Variants in RPGRIP1 observed in about 807,000 individuals in gnomAD.
The protein encoded by RPGRIP1 is X-linked retinitis pigmentosa GTPase regulator-interacting protein 1.
Under a neutral mutation model 157.9 loss-of-function variants are expected in RPGRIP1, and 128 were observed. That is an observed-to-expected ratio of 0.81 (90% confidence interval 0.70 to 0.94). The LOEUF (loss-of-function observed/expected upper bound fraction) is 0.94, where lower values mean the gene tolerates loss of function less well. Among genes scored for constraint, RPGRIP1 ranks in the 40% least tolerant of loss-of-function variants. The pLI is 0.00. For synonymous variants in RPGRIP1, 554 were observed against 571.6 expected (o/e 0.97, Z 0.44); for missense variants, 1,486 against 1,545.8 (o/e 0.96, Z 0.65).
chr14:21,336,234 AAC>A (rs773478820), intron 21 of RPGRIP1, among the ~76,000 whole-genome samples: 1 of 152,208 alleles, frequency 6.6e-6, no homozygotes, highest in African/African-American at 2.4e-5. Flanking sequence ...CACTGAATAT[AAC>A]ACATAGTTCA....
At chr14:21,326,482 T>C (rs1883123227) in intron 17 of RPGRIP1, among the ~76,000 whole-genome samples, 1 of 152,128 alleles carries the variant, frequency 6.6e-6, no homozygotes, top group South Asian at 2.1e-4. Flanking sequence ...AGTTTCGCTC[T>C]TGTTGCCCAG....
intron 3 of RPGRIP1, among the ~76,000 whole-genome samples, chr14:21,297,880 T>TCTTTCTTTCTTTCTTTCTTTCTTTCTTTC (rs1555365051): frequency 1.3e-5 from 2 of 149,742 alleles, no homozygotes; most frequent in African/African-American, 5.0e-5. Flanking sequence ...TTTCTTTCTT[T>TCTTTCTTTCTTTCTTTCTTTCTTTCTTTC]TTTTTGAGAT....
At chr14:21,338,046 A>G (rs1431150659) in intron 21 of RPGRIP1, among the ~76,000 whole-genome samples, 2 of 152,094 alleles carry the variant, frequency 1.3e-5, no homozygotes, top group Non-Finnish European at 2.9e-5. Context: ...CCTCCCGAGT[A>G]GCTGGGACTA....
chr14:21,327,050 A>G (rs1883189336), intron 17 of RPGRIP1, among the ~76,000 whole-genome samples: 2 of 152,110 alleles, frequency 1.3e-5, no homozygotes, highest in East Asian at 3.9e-4. Flanking sequence ...AGAAACAACC[A>G]TATTTAACAA....
intron 2 of RPGRIP1, among the ~76,000 whole-genome samples, chr14:21,289,825 C>T (rs141973601): frequency 5.9e-5 from 9 of 151,998 alleles, no homozygotes; most frequent in African/African-American, 2.2e-4. Context: ...AACTCTTGCC[C>T]ATATATACCA....
intron 20 of RPGRIP1, among the ~76,000 whole-genome samples, chr14:21,333,530 G>A (rs1263952387): frequency 1.3e-5 from 2 of 152,192 alleles, no homozygotes; most frequent in Non-Finnish European, 2.9e-5. Flanking sequence ...TACTCGGCAT[G>A]TTAGGCAGGT....
At chr14:21,327,084 T>A (rs1370963003) in intron 17 of RPGRIP1, among the ~76,000 whole-genome samples, 1 of 152,114 alleles carries the variant, frequency 6.6e-6, no homozygotes, top group Non-Finnish European at 1.5e-5. Flanking sequence ...CCAGGACATG[T>A]ATGCAGCTCT....
intron 2 of RPGRIP1, 119 bp downstream of exon 2, chr14:21,288,180 C>CTTTTTTTT: frequency 2.0e-6 from 1 of 490,616 alleles, no homozygotes; most frequent in Non-Finnish European, 3.6e-6. Flanking sequence ...AGTCTTCTCA[C>CTTTTTTTT]TTTTTTTTTT....
At chr14:21,288,202 A>G (rs1880373629) in intron 2 of RPGRIP1, 141 bp downstream of exon 2, 2 of 588,290 alleles carry the variant, frequency 3.4e-6, no homozygotes, top group Non-Finnish European at 6.0e-6. Context: ...TTTTTTTGAG[A>G]TGGAGTCTCG....
At position 21,345,901 on chromosome 14, in the gene RPGRIP1, C is replaced by A. The variant is rs1303823517; in HGVS notation, c.3617+704C>A. Among the ~76,000 whole-genome samples, 3 of 152,072 alleles carry A rather than the reference C, an allele frequency of 2.0e-5. No homozygotes were observed. In the East Asian group the frequency reaches 5.8e-4, roughly 29 times the overall value. On this transcript the variant is annotated intron_variant, in intron 23 of 24. Transcript: ENST00000400017. Reference sequence around the variant, plus strand: ...GTGGTACAATCTTGGCTCACTGCAACCTCCACCTCCTGGGTTCAAGCGATT... The same window carrying A: ...GTGGTACAATCTTGGCTCACTGCAAACTCCACCTCCTGGGTTCAAGCGATT...
intron 8 of RPGRIP1, among the ~76,000 whole-genome samples, chr14:21,311,071 C>G (rs1166440723): frequency 6.6e-6 from 1 of 152,192 alleles, no homozygotes; most frequent in Non-Finnish European, 1.5e-5. Context: ...CAAACGAGAC[C>G]ACCCAGCTGT....
chr14:21,315,691 C>G (rs1881756354), intron 10 of RPGRIP1, among the ~76,000 whole-genome samples: 1 of 151,930 alleles, frequency 6.6e-6, no homozygotes, highest in African/African-American at 2.4e-5. Flanking sequence ...TACTATTTGC[C>G]TCTCCCCTTC....
At chr14:21,310,468 G>C (rs1881495299) in intron 7 of RPGRIP1, 116 bp from the exon 8 acceptor site, 1 of 610,204 alleles carries the variant, frequency 1.6e-6, no homozygotes, top group Non-Finnish European at 2.8e-6. Context: ...TACACAAATT[G>C]ATTTGTTTTG....
Position 21,301,040 on chromosome 14 carries a change from C to T in RPGRIP1, c.293C>T (p.Ser98Leu), listed in dbSNP as rs1337129272. 2 of 1,612,598 alleles carry T rather than the reference C, an allele frequency of 1.2e-6. No individual in the cohort carries two copies. Among genetic ancestry groups the T allele is most frequent in the East Asian group, 2.2e-5 (1 of 44,862 alleles). ...GTCGCGGAGGAGGCGGCGCCGCTCT[C>T]GGAGACCGCAAGGCGCGGGCAGAAG... is the stretch of plus-strand genomic sequence containing the variant. ...LRVAEEAAPL[S>L]ETARRGQKAG... The change falls in exon 4 of 25, where the codon TCG (serine) becomes TTG (leucine). Residue 98 changes from serine to leucine, a missense_variant. Coordinates refer to ENST00000400017, the MANE Select transcript of RPGRIP1 (RefSeq NM_020366.4).
intron 20 of RPGRIP1, among the ~76,000 whole-genome samples, chr14:21,333,009 A>C (rs1421537009): frequency 6.6e-6 from 1 of 152,202 alleles, no homozygotes; most frequent in Non-Finnish European, 1.5e-5. Flanking sequence ...CTGAGGCAGG[A>C]GAATCGCTTG....
intron 14 of RPGRIP1, chr14:21,324,400 T>G: frequency 1.7e-6 from 1 of 593,170 alleles, no homozygotes; most frequent in East Asian, 2.8e-5. Context: ...ACTCCTTTTG[T>G]ACCTTCTCCC....
chr14:21,294,198 T>A (rs1045343020), intron 2 of RPGRIP1, among the ~76,000 whole-genome samples: 3 of 151,148 alleles, frequency 2.0e-5, no homozygotes, highest in African/African-American at 7.3e-5. Context: ...ATAGAAAGGG[T>A]CTCCAGGGAC....
chr14:21,321,644 T>G, intron 13 of RPGRIP1: 1 of 1,002,676 alleles, frequency 1.0e-6, no homozygotes, highest in East Asian at 2.7e-5. Flanking sequence ...GGCTTCTGGG[T>G]TCAAATTTTG....
intron 8 of RPGRIP1, among the ~76,000 whole-genome samples, chr14:21,311,174 C>T (rs1881526526): frequency 6.6e-6 from 1 of 152,174 alleles, no homozygotes; most frequent in African/African-American, 2.4e-5. Flanking sequence ...CATAAAAAAG[C>T]AGTCAAATAG....
Sources: gnomAD v4.1 joint callset for allele counts (sites outside exome capture counted in the v4.1 genomes callset) on GRCh38, gnomAD v4.1.1 for gene constraint, MANE v1.5 for transcripts, NCBI Gene and HGNC (gene_info 2026-07-23, HGNC 2026-07-21) for gene names.